Variants in ADAMTSL1 observed in about 807,000 individuals in gnomAD.
ADAMTSL1 encodes the protein ADAMTS-like protein 1.
ADAMTSL1 carries 126 observed loss-of-function variants against 201.8 expected under a neutral mutation model. That is an observed-to-expected ratio of 0.62 (90% confidence interval 0.54 to 0.72). The LOEUF is 0.72. ADAMTSL1 is among the 30% of genes least tolerant of loss of function. The probability of loss-of-function intolerance (pLI) is 0.00; values close to 1 mark genes in which losing one functional copy is unlikely to be tolerated. For synonymous variants in ADAMTSL1, 1,121 were observed against 903.4 expected, an observed-to-expected ratio of 1.24 and a Z score of -4.32; for missense variants, 2,679 against 2,277.8, an observed-to-expected ratio of 1.18 and a Z score of -3.59.
intron 23 of ADAMTSL1, among the ~76,000 whole-genome samples, chr9:18,858,702 CT>C (rs1827020421): frequency 6.6e-6 from 1 of 152,178 alleles, no homozygotes; most frequent in Non-Finnish European, 1.5e-5. Flanking sequence ...CAGGCACTTG[CT>C]TACGTCAAAT....
At chr9:18,107,522 C>T (rs138930045) in intron 1 of ADAMTSL1, among the ~76,000 whole-genome samples, 3 of 151,808 alleles carry the variant, frequency 2.0e-5, no homozygotes, top group African/African-American at 7.2e-5. Flanking sequence ...AATAAGGAGC[C>T]GAAGTTCTAG....
chr9:18,186,443 T>C (rs1047401172), intron 2 of ADAMTSL1, among the ~76,000 whole-genome samples: 2 of 152,156 alleles, frequency 1.3e-5, no homozygotes, highest in African/African-American at 4.8e-5. Context: ...GATCAGGAAT[T>C]TGAAGCTTTG....
At chr9:18,103,611 A>T (rs1226311140) in intron 1 of ADAMTSL1, among the ~76,000 whole-genome samples, 1 of 152,212 alleles carries the variant, frequency 6.6e-6, no homozygotes, top group Non-Finnish European at 1.5e-5. Context: ...TGAGAACTGC[A>T]TATTTTAGGC....
chr9:18,413,022 G>A (rs1818514302), intron 2 of ADAMTSL1, among the ~76,000 whole-genome samples: 1 of 151,808 alleles, frequency 6.6e-6, no homozygotes, highest in Non-Finnish European at 1.5e-5. Flanking sequence ...CAAGTTTTTA[G>A]TAGGCTCATA....
intron 1 of ADAMTSL1, among the ~76,000 whole-genome samples, chr9:17,960,720 T>G (rs1272266293): frequency 6.6e-6 from 1 of 152,212 alleles, no homozygotes; most frequent in African/African-American, 2.4e-5. Context: ...ATCTGTCTTT[T>G]TAACATCTCG....
rs796699491 is a variant in ADAMTSL1 at position 18,099,347 on chromosome 9, ATATATATATTTTTT to A, written c.88-64513_88-64500del. On this transcript the variant is annotated intron_variant, in intron 1 of 29. Transcript: ENST00000680146. ...GGAAAATATATATATATATATATAT[ATATATATATTTTTT>A]TTTTTTTTTTTAACATCCATTAATT... 7.1e-3 allele frequency among the ~76,000 whole-genome samples: 335 copies of A among 47,332 alleles called. 20 individuals carry two copies. In the South Asian group the frequency reaches 0.15, roughly 21 times the overall value. 31.1% of individuals were successfully genotyped at this position (47,332 alleles called of 152,430 possible).
chr9:17,965,201 C>G (rs987350936), intron 1 of ADAMTSL1, among the ~76,000 whole-genome samples: 26 of 152,006 alleles, frequency 1.7e-4, no homozygotes, highest in African/African-American at 4.8e-4. Flanking sequence ...GCATATATTT[C>G]AATAGAAGAG....
At chr9:18,711,521 A>G (rs1261355279) in intron 14 of ADAMTSL1, among the ~76,000 whole-genome samples, 1 of 152,258 alleles carries the variant, frequency 6.6e-6, no homozygotes, top group African/African-American at 2.4e-5. Context: ...TCCCACCCAA[A>G]TACTGCGCTT....
chr9:17,907,772 C>T (rs143672507), intron 1 of ADAMTSL1, among the ~76,000 whole-genome samples: 3 of 152,266 alleles, frequency 2.0e-5, no homozygotes, highest in African/African-American at 4.8e-5. Context: ...AGAATGCCTG[C>T]GGTTCCTTGG....
intron 1 of ADAMTSL1, among the ~76,000 whole-genome samples, chr9:17,974,554 T>C (rs1250347900): frequency 1.3e-5 from 2 of 152,018 alleles, no homozygotes; most frequent in African/African-American, 4.8e-5. Context: ...CAATCACCAT[T>C]CTGCTCTCTG....
At chr9:18,661,567 T>A (rs1433784658) in intron 8 of ADAMTSL1, among the ~76,000 whole-genome samples, 3 of 152,194 alleles carry the variant, frequency 2.0e-5, no homozygotes, top group Non-Finnish European at 4.4e-5. Flanking sequence ...TTTAGCATTC[T>A]TGTATAAGAT....
At chr9:18,355,841 T>C (rs1836197133) in intron 2 of ADAMTSL1, among the ~76,000 whole-genome samples, 1 of 152,194 alleles carries the variant, frequency 6.6e-6, no homozygotes, top group Non-Finnish European at 1.5e-5. Flanking sequence ...ACCCTGTGTC[T>C]ACAAAATATA....
intron 2 of ADAMTSL1, among the ~76,000 whole-genome samples, chr9:18,352,935 C>T (rs904289225): frequency 3.3e-5 from 5 of 152,054 alleles, no homozygotes; most frequent in Admixed American, 2.0e-4. Flanking sequence ...CATGACTAAC[C>T]CCATTAGAGG....
At chr9:18,144,064 C>T (rs1183004240) in intron 1 of ADAMTSL1, among the ~76,000 whole-genome samples, 8 of 152,130 alleles carry the variant, frequency 5.3e-5, no homozygotes, top group African/African-American at 2.4e-5. Context: ...CTTCAGAACA[C>T]ATGAAGAATG....
intron 7 of ADAMTSL1, among the ~76,000 whole-genome samples, chr9:18,653,099 C>T (rs1828398540): frequency 1.3e-5 from 2 of 152,332 alleles, no homozygotes; most frequent in East Asian, 1.9e-4. Context: ...CTGAGCTAAT[C>T]AGAATATACT....
intron 1 of ADAMTSL1, among the ~76,000 whole-genome samples, chr9:18,080,006 A>T (rs2131769507): frequency 6.6e-6 from 1 of 152,300 alleles, no homozygotes; most frequent in African/African-American, 2.4e-5. Flanking sequence ...AACAAAGAGG[A>T]AATGGTGGTT....
At chr9:18,315,204 T>C (rs111870061) in intron 2 of ADAMTSL1, among the ~76,000 whole-genome samples, 15 of 152,220 alleles carry the variant, frequency 9.9e-5, no homozygotes, top group African/African-American at 2.4e-4. Context: ...GATTGGAGCA[T>C]TGACAAATCT....
intron 1 of ADAMTSL1, among the ~76,000 whole-genome samples, chr9:18,042,403 C>G (rs920789370): frequency 2.0e-5 from 3 of 152,020 alleles, no homozygotes; most frequent in African/African-American, 7.2e-5. Flanking sequence ...CTTTCATGGA[C>G]TATCTCATTA....
Position 18,777,920 on chromosome 9 carries a change from C to A in ADAMTSL1, c.3677+14C>A. The A allele has an allele frequency of 6.6e-7, 1 of 1,524,714 alleles. No homozygotes were observed. Among genetic ancestry groups the A allele is most frequent in the Non-Finnish European group, 8.8e-7 (1 of 1,134,280 alleles). The allele number at this position is 1,524,714 out of a possible 1,614,324, so 94.4% of individuals were successfully genotyped here. A position where few individuals can be genotyped will look rare whatever the true frequency, so the allele number is the denominator to read the frequency against. On this transcript the variant is annotated intron_variant, in intron 19 of 28. Transcript: ENST00000380548. ...GTTCAGTGACAGGTGAGCCTTGTAG[C>A]TAACCTGGTCTTGGGAGGGAGGCAA... is the stretch of plus-strand genomic sequence containing the variant.
Sources: gnomAD v4.1 joint callset for allele counts (sites outside exome capture counted in the v4.1 genomes callset) on GRCh38, gnomAD v4.1.1 for gene constraint, MANE v1.5 for transcripts, NCBI Gene and HGNC (gene_info 2026-07-23, HGNC 2026-07-21) for gene names.